Variants in MYT1L observed in about 807,000 individuals in gnomAD.
MYT1L encodes myelin transcription factor 1-like protein.
MYT1L carries 12 observed loss-of-function variants against 126.7 expected under a neutral mutation model. That is an observed-to-expected ratio of 0.09 (90% CI 0.06 to 0.15). MYT1L has a LOEUF of 0.15. Ranked by LOEUF, MYT1L falls within the 10% of genes least tolerant of loss-of-function variation. The pLI is 1.00. For synonymous variants in MYT1L, 541 were observed against 604.2 expected (o/e 0.90, Z 1.53); for missense variants, 979 against 1,585.2 (o/e 0.62, Z 6.49).
chr2:1,926,130 G>A (rs1393724128), intron 9 of MYT1L, among the ~76,000 whole-genome samples: 1 of 152,200 alleles, frequency 6.6e-6, no homozygotes, highest in East Asian at 1.9e-4. Flanking sequence ...GGCAGCAAAT[G>A]TGGGGACGGC....
chr2:1,913,419 T>C (rs1468850995), intron 11 of MYT1L, among the ~76,000 whole-genome samples: 1 of 152,076 alleles, frequency 6.6e-6, no homozygotes, highest in Non-Finnish European at 1.5e-5. Flanking sequence ...AGGGTTCCTT[T>C]CTGAGAGGAT....
intron 13 of MYT1L, among the ~76,000 whole-genome samples, chr2:1,909,710 C>T (rs2051622854): frequency 6.6e-6 from 1 of 152,132 alleles, no homozygotes; most frequent in Non-Finnish European, 1.5e-5. Flanking sequence ...TCTCACTTGC[C>T]AAACGGAGGT....
chr2:2,208,424 T>C (rs565369516), intron 2 of MYT1L, among the ~76,000 whole-genome samples: 1 of 152,148 alleles, frequency 6.6e-6, no homozygotes, highest in Non-Finnish European at 1.5e-5. Flanking sequence ...GACATCCAAA[T>C]TGTCAGAGTC....
intron 3 of MYT1L, among the ~76,000 whole-genome samples, chr2:2,120,357 T>C (rs1234420477): frequency 6.6e-6 from 1 of 152,292 alleles, no homozygotes; most frequent in South Asian, 2.1e-4. Flanking sequence ...ATAAGTCACG[T>C]GCTGCTTGTA....
intron 8 of MYT1L, among the ~76,000 whole-genome samples, chr2:1,952,233 T>C (rs940817158): frequency 3.9e-5 from 6 of 152,226 alleles, no homozygotes; most frequent in Admixed American, 2.6e-4. Context: ...GGAGTTGTTT[T>C]TTTATCTTTT....
chr2:1,902,766 G>A (rs1558335834), intron 14 of MYT1L: 2 of 364,768 alleles, frequency 5.5e-6, no homozygotes, highest in African/African-American at 2.1e-5. Context: ...TAAGGGCACT[G>A]TCTTCCCAGT....
At chr2:2,178,900 G>C (rs965329843) in intron 2 of MYT1L, among the ~76,000 whole-genome samples, 1 of 152,170 alleles carries the variant, frequency 6.6e-6, no homozygotes. Flanking sequence ...AGTAGTTTAA[G>C]GAAATCTAAG....
At chr2:1,799,062 G>A (rs1018545916) in intron 23 of MYT1L, among the ~76,000 whole-genome samples, 3 of 152,318 alleles carry the variant, frequency 2.0e-5, no homozygotes, top group Admixed American at 6.5e-5. Context: ...AGAGCTGGGG[G>A]ACTCCGGCTC....
intron 18 of MYT1L, among the ~76,000 whole-genome samples, chr2:1,859,002 G>C (rs972216394): frequency 6.6e-6 from 1 of 152,172 alleles, no homozygotes; most frequent in African/African-American, 2.4e-5. Flanking sequence ...ACCAGATACT[G>C]CAAGAGTGCT....
chr2:2,221,838 T>A (rs1297044273), intron 2 of MYT1L, among the ~76,000 whole-genome samples: 1 of 152,132 alleles, frequency 6.6e-6, no homozygotes, highest in African/African-American at 2.4e-5. Flanking sequence ...GCTTTTAATT[T>A]TCGAAGGAGC....
intron 3 of MYT1L, among the ~76,000 whole-genome samples, chr2:2,075,466 G>C (rs531414333): frequency 1.3e-5 from 2 of 152,180 alleles, no homozygotes; most frequent in Non-Finnish European, 2.9e-5. Context: ...AAGACCCTAA[G>C]ATGAACGAGA....
intron 1 of MYT1L, among the ~76,000 whole-genome samples, chr2:2,295,585 C>CAGACAGAGAGAGAGAGAG (rs2095663934): frequency 4.0e-5 from 2 of 50,420 alleles, no homozygotes. Flanking sequence ...GAGAGAGAGA[C>CAGACAGAGAGAGAGAGAG]AGACAGACAG....
intron 1 of MYT1L, among the ~76,000 whole-genome samples, chr2:2,294,476 A>T (rs764680632): frequency 1.4e-4 from 22 of 152,188 alleles, no homozygotes; most frequent in Non-Finnish European, 2.6e-4. Context: ...CGCCTGATGC[A>T]GTTCATCTGA....
At chr2:2,149,922 C>T (rs981635760) in intron 3 of MYT1L, among the ~76,000 whole-genome samples, 5 of 152,200 alleles carry the variant, frequency 3.3e-5, no homozygotes, top group Non-Finnish European at 5.9e-5. Context: ...CTCATCTGGA[C>T]CACAGCTTCC....
chr2:1,856,535 G>A (rs2148577559), intron 18 of MYT1L, among the ~76,000 whole-genome samples: 1 of 152,278 alleles, frequency 6.6e-6, no homozygotes, highest in Admixed American at 6.5e-5. Flanking sequence ...ACCCATTGCT[G>A]TGCGGATTCC....
rs1835888 is a variant in MYT1L, at chr2:2,006,830, C to T, written c.-157-9483G>A. On this transcript the variant is annotated intron_variant, in intron 4 of 24. Transcript: ENST00000647738. ...AGCTCAAATGATCCACCCCCTTCAG[C>T]CTCCCAAAGTGCTGGGATTACAGGC... Among the ~76,000 whole-genome samples, 888 of 152,166 alleles carry T rather than the reference C, an allele frequency of 5.8e-3. 4 individuals carry two copies. The highest frequency in any genetic ancestry group is 0.02 in the African/African-American group (843 of 41,494).
At chr2:1,814,630 T>TG (rs2037341797) in intron 21 of MYT1L, among the ~76,000 whole-genome samples, 2 of 152,214 alleles carry the variant, frequency 1.3e-5, no homozygotes, top group African/African-American at 4.8e-5. Flanking sequence ...TCCACCTCAC[T>TG]GGGGGTGCGG....
chr2:2,273,319 C>T (rs2095300638), intron 2 of MYT1L, among the ~76,000 whole-genome samples: 1 of 152,170 alleles, frequency 6.6e-6, no homozygotes, highest in South Asian at 2.1e-4. Context: ...GATTAAAACA[C>T]ATCTAGAAAT....
rs73913212 is a variant in MYT1L at position 2,144,140 on chromosome 2, G to A, written c.-304+28732C>T. ...TATGGTTTACAAAATCCTAAAAACA[G>A]AAAAACCAATGTGCGTTGGTTGCAC... On this transcript the variant is annotated intron_variant, in intron 3 of 24. Coordinates refer to ENST00000647738, the MANE Select transcript of MYT1L (RefSeq NM_001303052.2). Among the ~76,000 whole-genome samples, 1,318 of 152,232 alleles carry A rather than the reference G, an allele frequency of 8.7e-3. 20 individuals are homozygous for A. The highest frequency in any genetic ancestry group is 0.026 in the African/African-American group (1,096 of 41,534).
Sources: gnomAD v4.1 joint callset for allele counts (sites outside exome capture counted in the v4.1 genomes callset) on GRCh38, gnomAD v4.1.1 for gene constraint, MANE v1.5 for transcripts, NCBI Gene and HGNC (gene_info 2026-07-23, HGNC 2026-07-21) for gene names.